The following DMD variants were observed in gnomAD, a reference collection of about 807,000 sequenced individuals.
DMD encodes dystrophin, also known as mutant dystrophin.
In DMD, 63 loss-of-function variants were observed where a neutral mutation model predicts 330.1. The ratio of observed to expected loss-of-function variants is 0.19; its 90% CI spans 0.16 to 0.24. The LOEUF is 0.24. DMD is among the 10% of genes least tolerant of loss of function. DMD has a pLI of 1.00. For synonymous variants in DMD, 1,223 were observed against 959.8 expected (o/e 1.27, Z -5.07); for missense variants, 3,344 against 2,684.1 (o/e 1.25, Z -5.43).
intron 55 of DMD, among the ~76,000 whole-genome samples, chrX:31,592,812 G>T (rs750800479): frequency 4.1e-4 from 45 of 110,334 alleles, no homozygotes; most frequent in Non-Finnish European, 8.4e-4. Flanking sequence ...TTTTCCAGGG[G>T]TTTGTAAAAA....
chrX:32,822,890 T>A (rs991291370), intron 5 of DMD, among the ~76,000 whole-genome samples: 2 of 111,341 alleles, frequency 1.8e-5, no homozygotes, highest in African/African-American at 6.5e-5. Flanking sequence ...ATTCTACTAA[T>A]CTTTTATTGG....
At chrX:32,415,332 T>C (rs1265871346) in intron 29 of DMD, among the ~76,000 whole-genome samples, 2 of 112,083 alleles carry the variant, frequency 1.8e-5, no homozygotes, top group Non-Finnish European at 3.8e-5. Flanking sequence ...TTCGGGTGGG[T>C]TGGCTCTTTT....
At chrX:32,598,441 T>C (rs759289830) in intron 12 of DMD, among the ~76,000 whole-genome samples, 1 of 111,946 alleles carries the variant, frequency 8.9e-6, no homozygotes, top group South Asian at 3.7e-4. Context: ...ATAATTAAAA[T>C]GATAATTTGG....
At chrX:31,397,304 C>T (rs1046567592) in intron 60 of DMD, among the ~76,000 whole-genome samples, 1 of 111,765 alleles carries the variant, frequency 8.9e-6, no homozygotes, top group Non-Finnish European at 1.9e-5. Flanking sequence ...AGGGATGACT[C>T]AGAATTCCAG....
chrX:32,761,134 G>A (rs2072231756), intron 7 of DMD, among the ~76,000 whole-genome samples: 1 of 111,876 alleles, frequency 8.9e-6, no homozygotes, highest in Non-Finnish European at 1.9e-5. Context: ...ATTTGTTCCT[G>A]TGACTTTAAT....
chrX:32,356,364 G>C (rs1446983395), intron 37 of DMD, among the ~76,000 whole-genome samples: 3 of 73,752 alleles, frequency 4.1e-5, no homozygotes, highest in Non-Finnish European at 7.1e-5. Flanking sequence ...TATATCTTCT[G>C]ACACTGAATG....
At chrX:31,401,683 G>A (rs977145246) in intron 60 of DMD, among the ~76,000 whole-genome samples, 1 of 111,629 alleles carries the variant, frequency 9.0e-6, no homozygotes, top group East Asian at 2.8e-4. Context: ...AGGAATTAAT[G>A]AAAGTTCTCT....
intron 1 of DMD, among the ~76,000 whole-genome samples, chrX:33,086,933 G>T (rs1183656533): frequency 9.0e-6 from 1 of 110,828 alleles, no homozygotes; most frequent in Non-Finnish European, 1.9e-5. Context: ...AATAAAATAA[G>T]AATGCGAAGG....
chrX:31,662,485 G>C (rs1295353808), intron 53 of DMD, among the ~76,000 whole-genome samples: 1 of 111,780 alleles, frequency 8.9e-6, no homozygotes, highest in African/African-American at 3.3e-5. Flanking sequence ...CAAGTGCATA[G>C]CTCTATCATT....
At chrX:32,454,494 A>C (rs755956051) in intron 26 of DMD, among the ~76,000 whole-genome samples, 168 bp downstream of exon 26, 1 of 111,189 alleles carries the variant, frequency 9.0e-6, no homozygotes, top group African/African-American at 3.2e-5. Flanking sequence ...TAAGGTTGTT[A>C]AAATGTATAT....
At chrX:31,728,830 G>T (rs1454557851) in intron 52 of DMD, among the ~76,000 whole-genome samples, 1 of 111,739 alleles carries the variant, frequency 8.9e-6, no homozygotes, top group Non-Finnish European at 1.9e-5. Context: ...CAATACCAGT[G>T]TGTGTCCCTG....
At chrX:33,332,837 C>G (rs1011576360) in intron 1 of DMD, among the ~76,000 whole-genome samples, 1 of 111,114 alleles carries the variant, frequency 9.0e-6, no homozygotes, top group Non-Finnish European at 1.9e-5. Context: ...CATCCTCTTA[C>G]GAAATACCCA....
chrX:32,891,541 A>G (rs2085202915), intron 2 of DMD, among the ~76,000 whole-genome samples: 1 of 112,007 alleles, frequency 8.9e-6, no homozygotes, highest in Admixed American at 9.5e-5. Flanking sequence ...GCTGGAGAAG[A>G]CAATCTAATA....
chrX:33,322,173 C>T (rs1369835003), intron 1 of DMD, among the ~76,000 whole-genome samples: 1 of 111,629 alleles, frequency 9.0e-6, no homozygotes, highest in Non-Finnish European at 1.9e-5. Context: ...GACTAACTGT[C>T]TGGTGCAAGA....
chrX:31,716,672 A>T (rs2085072765), intron 52 of DMD, among the ~76,000 whole-genome samples: 1 of 111,588 alleles, frequency 9.0e-6, no homozygotes, highest in Admixed American at 9.6e-5. Flanking sequence ...GCCTCTGAGA[A>T]ATTTTAAGTC....
chrX:32,783,230 G>A (rs866321509), intron 7 of DMD, among the ~76,000 whole-genome samples: 20 of 91,693 alleles, frequency 2.2e-4, no homozygotes, highest in South Asian at 1.5e-3. Context: ...ACGTGTATAC[G>A]TATATACACA....
chrX:32,074,528 C>T (rs191151708), intron 44 of DMD, among the ~76,000 whole-genome samples: 156 of 111,569 alleles, frequency 1.4e-3, no homozygotes, highest in Non-Finnish European at 2.7e-3. Flanking sequence ...GGGGAGAAAT[C>T]AAAAGAATAA....
intron 44 of DMD, among the ~76,000 whole-genome samples, chrX:32,098,996 G>T (rs745392816): frequency 1.8e-5 from 2 of 112,113 alleles, no homozygotes; most frequent in East Asian, 5.7e-4. Flanking sequence ...TGCTGTGCAT[G>T]TTGAGGGCTT....
chrX:33,193,243 G>T (rs1324069840), intron 1 of DMD, among the ~76,000 whole-genome samples: 1 of 111,435 alleles, frequency 9.0e-6, no homozygotes, highest in African/African-American at 3.3e-5. Flanking sequence ...GGAGGTGAAG[G>T]TTGCAGTGAG....
Sources: gnomAD v4.1 joint callset for allele counts (sites outside exome capture counted in the v4.1 genomes callset) on GRCh38, gnomAD v4.1.1 for gene constraint, MANE v1.5 for transcripts, NCBI Gene and HGNC (gene_info 2026-07-23, HGNC 2026-07-21) for gene names.